The following SRPK2 variants were observed in gnomAD, a reference collection of about 807,000 sequenced individuals.
SRPK2 encodes SRSF protein kinase 2.
Under a neutral mutation model 90.8 loss-of-function variants are expected in SRPK2, and 21 were observed. That is an observed-to-expected ratio of 0.23 (90% CI 0.16 to 0.33). The LOEUF (loss-of-function observed/expected upper bound fraction) is 0.33, where lower values mean the gene tolerates loss of function less well. SRPK2 is among the 10% of genes least tolerant of loss of function. The pLI, the probability that SRPK2 is intolerant of heterozygous loss-of-function variation, is 1.00. For synonymous variants in SRPK2, 288 were observed against 311.1 expected, an observed-to-expected ratio of 0.93 and a Z score of 0.78; for missense variants, 620 against 869.0, an observed-to-expected ratio of 0.71 and a Z score of 3.60.
At chr7:105,394,623 T>G (rs907570421) in intron 1 of SRPK2, among the ~76,000 whole-genome samples, 3 of 152,192 alleles carry the variant, frequency 2.0e-5, no homozygotes, top group African/African-American at 7.2e-5. Context: ...TAATAGTAAT[T>G]CTTAACAGTT....
intron 2 of SRPK2, among the ~76,000 whole-genome samples, chr7:105,312,567 C>A (rs920491642): frequency 1.3e-5 from 2 of 152,200 alleles, no homozygotes; most frequent in Admixed American, 1.3e-4. Context: ...CTCAGCCCTG[C>A]ACCTCAGATG....
chr7:105,378,054 G>C (rs1820515069), intron 2 of SRPK2, among the ~76,000 whole-genome samples: 1 of 151,976 alleles, frequency 6.6e-6, no homozygotes, highest in Non-Finnish European at 1.5e-5. Flanking sequence ...GACTTCCTCA[G>C]AGCCCTATTT....
chr7:105,157,456 C>CAA (rs1563002506), intron 7 of SRPK2, among the ~76,000 whole-genome samples: 1 of 152,134 alleles, frequency 6.6e-6, no homozygotes, highest in Non-Finnish European at 1.5e-5. Context: ...TAGGCTGAAT[C>CAA]AAAGGGGTTG....
intron 2 of SRPK2, 92 bp from the exon 3 acceptor site, chr7:105,203,877 A>G: frequency 7.0e-7 from 1 of 1,429,466 alleles, no homozygotes; most frequent in Non-Finnish European, 9.4e-7. Context: ...GGGAAAAAAT[A>G]AAACTTGTCA....
chr7:105,285,385 C>CAAAA (rs58399129), intron 2 of SRPK2, among the ~76,000 whole-genome samples: 4 of 106,198 alleles, frequency 3.8e-5, no homozygotes, highest in African/African-American at 1.1e-4. Flanking sequence ...ACCCCGTCTC[C>CAAAA]AAAAAAAAAA....
At chr7:105,286,403 C>G (rs902353057) in intron 2 of SRPK2, among the ~76,000 whole-genome samples, 1 of 152,156 alleles carries the variant, frequency 6.6e-6, no homozygotes, top group African/African-American at 2.4e-5. Flanking sequence ...GGGTAAAAGT[C>G]ATTAACATAT....
intron 3 of SRPK2, among the ~76,000 whole-genome samples, chr7:105,187,038 G>C (rs578168759): frequency 1.3e-5 from 2 of 152,136 alleles, no homozygotes; most frequent in South Asian, 2.1e-4. Flanking sequence ...TGAAGCAATG[G>C]GCAAGCCATC....
chr7:105,389,931 T>C (rs1014419939), upstream of SRPK2, among the ~76,000 whole-genome samples: 1 of 152,106 alleles, frequency 6.6e-6, no homozygotes, highest in Non-Finnish European at 1.5e-5. Context: ...AACGGGAAAC[T>C]CTGCTTGGAT....
chr7:105,393,394 AC>A (rs1408112061), upstream of SRPK2, among the ~76,000 whole-genome samples: 2 of 150,856 alleles, frequency 1.3e-5, no homozygotes, highest in Non-Finnish European at 2.9e-5. Context: ...GGCCTCCCAA[AC>A]TGCTGGGATT....
At chr7:105,122,766 AATTGT>A (rs1562952334) in intron 15 of SRPK2, among the ~76,000 whole-genome samples, 1 of 151,986 alleles carries the variant, frequency 6.6e-6, no homozygotes, top group African/African-American at 2.4e-5. Flanking sequence ...TGAAATTTTC[AATTGT>A]ATTTAAGGTC....
chr7:105,364,596 G>C (rs1337937425), intron 2 of SRPK2, among the ~76,000 whole-genome samples: 1 of 151,872 alleles, frequency 6.6e-6, no homozygotes, highest in Non-Finnish European at 1.5e-5. Flanking sequence ...TAGAGACGGG[G>C]TTTCACTATG....
chr7:105,120,242 G>A (rs1270707176), intron 15 of SRPK2, among the ~76,000 whole-genome samples: 1 of 152,174 alleles, frequency 6.6e-6, no homozygotes, highest in East Asian at 1.9e-4. Context: ...TACTCTCCAG[G>A]TTTGCAAATA....
At chr7:105,257,888 G>A (rs1277108549) in intron 2 of SRPK2, among the ~76,000 whole-genome samples, 4 of 152,282 alleles carry the variant, frequency 2.6e-5, no homozygotes, top group Non-Finnish European at 4.4e-5. Context: ...GAGGCAGGCA[G>A]AGCAAGAGGT....
chr7:105,362,802 T>C (rs1341778986), intron 2 of SRPK2, among the ~76,000 whole-genome samples: 2 of 152,202 alleles, frequency 1.3e-5, no homozygotes, highest in African/African-American at 2.4e-5. Context: ...AACCCAAATG[T>C]CCATCAGTGA....
intron 2 of SRPK2, among the ~76,000 whole-genome samples, chr7:105,218,992 C>G (rs1653122720): frequency 6.6e-6 from 1 of 152,040 alleles, no homozygotes; most frequent in African/African-American, 2.4e-5. Flanking sequence ...AGAACATAAG[C>G]AGCTATAAGC....
chr7:105,162,478 C>G (rs1449219087), intron 6 of SRPK2, among the ~76,000 whole-genome samples: 1 of 152,118 alleles, frequency 6.6e-6, no homozygotes, highest in African/African-American at 2.4e-5. Context: ...TTATTCATCC[C>G]TGGAGGCTTA....
At chr7:105,389,649 A>G (rs575349332), upstream of SRPK2, among the ~76,000 whole-genome samples, 1 of 152,356 alleles carries the variant, frequency 6.6e-6, no homozygotes, top group African/African-American at 2.4e-5. Flanking sequence ...TCTGCATCCT[A>G]CAATGAGGAA....
intron 2 of SRPK2, among the ~76,000 whole-genome samples, chr7:105,267,694 T>C (rs1192858969): frequency 1.3e-5 from 2 of 152,188 alleles, no homozygotes; most frequent in African/African-American, 4.8e-5. Context: ...AATGATAATT[T>C]TACATCAGAT....
chr7:105,346,371 C>CT (rs1816457083), intron 2 of SRPK2, among the ~76,000 whole-genome samples: 2 of 152,104 alleles, frequency 1.3e-5, no homozygotes, highest in South Asian at 4.1e-4. Flanking sequence ...ACAGCTCCTG[C>CT]TTGTCACCTC....
Sources: gnomAD v4.1 joint callset for allele counts (sites outside exome capture counted in the v4.1 genomes callset) on GRCh38, gnomAD v4.1.1 for gene constraint, MANE v1.5 for transcripts, NCBI Gene and HGNC (gene_info 2026-07-23, HGNC 2026-07-21) for gene names.